The following SPOCK3 variants were observed in gnomAD, a reference collection of about 807,000 sequenced individuals.
SPOCK3 encodes SPARC (osteonectin), cwcv and kazal like domains proteoglycan 3, also known as testican-3.
A neutral mutation model predicts 56.6 loss-of-function variants in SPOCK3; 30 were observed. That is an observed-to-expected ratio of 0.53 (90% CI 0.40 to 0.72). The LOEUF is 0.72. SPOCK3 is among the 30% of genes least tolerant of loss of function. The pLI is 0.00. For missense variants in SPOCK3, 527 were observed against 530.0 expected (o/e 0.99, Z 0.06); for synonymous variants, 196 against 183.3 (o/e 1.07, Z -0.56).
intron 6 of SPOCK3, among the ~76,000 whole-genome samples, chr4:166,839,847 C>T (rs908667937): frequency 2.2e-4 from 33 of 152,164 alleles, no homozygotes; most frequent in African/African-American, 7.7e-4. Context: ...AGACACAGCC[C>T]AAACCACAAC....
At chr4:166,851,058 A>C (rs1729990672) in intron 6 of SPOCK3, among the ~76,000 whole-genome samples, 1 of 152,230 alleles carries the variant, frequency 6.6e-6, no homozygotes, top group African/African-American at 2.4e-5. Context: ...CTGCAGACTT[A>C]AATGTCCCTG....
intron 6 of SPOCK3, among the ~76,000 whole-genome samples, chr4:166,834,443 G>A (rs892265375): frequency 3.9e-5 from 6 of 152,122 alleles, no homozygotes; most frequent in African/African-American, 1.4e-4. Context: ...GCTCTCTGAT[G>A]AGCTCAAGAA....
intron 2 of SPOCK3, among the ~76,000 whole-genome samples, chr4:167,154,216 G>A (rs815219): frequency 0.17 from 26,260 of 151,728 alleles, 2,398 homozygotes; most frequent in East Asian, 0.21. Context: ...ACACATGCAC[G>A]CGTGCACACA....
chr4:166,961,601 C>T (rs1341887519), intron 4 of SPOCK3, among the ~76,000 whole-genome samples: 3 of 151,678 alleles, frequency 2.0e-5, no homozygotes, highest in African/African-American at 7.3e-5. Context: ...AAGCTTCTGG[C>T]TCAAGTTTAT....
intron 4 of SPOCK3, among the ~76,000 whole-genome samples, chr4:166,918,695 A>G (rs748179166): frequency 1.3e-5 from 2 of 152,178 alleles, no homozygotes; most frequent in African/African-American, 2.4e-5. Flanking sequence ...AATGAAAAAT[A>G]CCTTTAAAAA....
At chr4:166,940,999 C>A (rs1740999119) in intron 4 of SPOCK3, among the ~76,000 whole-genome samples, 1 of 151,522 alleles carries the variant, frequency 6.6e-6, no homozygotes, top group Non-Finnish European at 1.5e-5. Flanking sequence ...TATTATTTTT[C>A]TTTTGCAGTA....
chr4:167,175,794 T>C (rs1163838912), intron 2 of SPOCK3, among the ~76,000 whole-genome samples: 1 of 152,078 alleles, frequency 6.6e-6, no homozygotes, highest in Non-Finnish European at 1.5e-5. Context: ...AGAAAATAGA[T>C]TTATGCTATT....
At chr4:166,916,079 T>C (rs1398641072) in intron 4 of SPOCK3, among the ~76,000 whole-genome samples, 3 of 152,152 alleles carry the variant, frequency 2.0e-5, no homozygotes, top group Non-Finnish European at 2.9e-5. Flanking sequence ...CTGCATCCTA[T>C]ACAGGGTCAC....
rs554474888 is a variant in SPOCK3 at position 167,121,893 on chromosome 4, G to A, written c.190-59356C>T. ...TATATTTAATAAAACTATTATAAGT[G>A]TCATACATAAAAATCATGAATAAAA... On this transcript the variant is annotated intron_variant, in intron 2 of 10. Transcript: ENST00000357545. 9.4e-5 allele frequency among the ~76,000 whole-genome samples: 14 copies of A among 148,404 alleles called. 1 individual carries two copies. The South Asian group carries it at 2.7e-3, about 29-fold the overall frequency.
chr4:167,124,804 A>G (rs760715537), intron 2 of SPOCK3, among the ~76,000 whole-genome samples: 5 of 152,138 alleles, frequency 3.3e-5, no homozygotes, highest in Non-Finnish European at 7.3e-5. Context: ...CTCTAAATAT[A>G]CGGTCCCTTT....
intron 2 of SPOCK3, among the ~76,000 whole-genome samples, chr4:167,071,216 T>G (rs990676549): frequency 6.6e-6 from 1 of 151,892 alleles, no homozygotes; most frequent in African/African-American, 2.4e-5. Context: ...AGAAATACTT[T>G]GCCTCAATAA....
chr4:167,193,744 T>C (rs1732678330), intron 2 of SPOCK3, among the ~76,000 whole-genome samples: 1 of 146,018 alleles, frequency 6.8e-6, no homozygotes, highest in Non-Finnish European at 1.5e-5. Context: ...AAAGATAATC[T>C]TATGAGAGTT....
intron 2 of SPOCK3, among the ~76,000 whole-genome samples, chr4:167,089,760 A>T (rs1205091908): frequency 6.6e-6 from 1 of 152,128 alleles, no homozygotes; most frequent in East Asian, 1.9e-4. Flanking sequence ...CAGTTCCATC[A>T]CCTGAGAAAG....
chr4:167,126,065 A>G (rs1762252067), intron 2 of SPOCK3, among the ~76,000 whole-genome samples: 2 of 152,204 alleles, frequency 1.3e-5, no homozygotes, highest in South Asian at 4.1e-4. Flanking sequence ...TTGAAAATAT[A>G]TACTTATTCT....
intron 2 of SPOCK3, among the ~76,000 whole-genome samples, chr4:167,066,843 A>G (rs1274325276): frequency 6.6e-6 from 1 of 151,934 alleles, no homozygotes; most frequent in African/African-American, 2.4e-5. Context: ...TAAACACCAC[A>G]CCCAGTATGG....
intron 6 of SPOCK3, among the ~76,000 whole-genome samples, chr4:166,823,724 G>A (rs959026265): frequency 6.6e-6 from 1 of 151,924 alleles, no homozygotes; most frequent in African/African-American, 2.4e-5. Context: ...CAACTCAATG[G>A]TGTTATGAGA....
At chr4:166,953,341 C>A (rs1742940848) in intron 4 of SPOCK3, among the ~76,000 whole-genome samples, 1 of 152,204 alleles carries the variant, frequency 6.6e-6, no homozygotes, top group Non-Finnish European at 1.5e-5. Context: ...AAAATGCTCA[C>A]CATCACTGGC....
intron 4 of SPOCK3, among the ~76,000 whole-genome samples, chr4:166,939,455 A>G (rs1171945673): frequency 1.3e-5 from 2 of 152,174 alleles, no homozygotes; most frequent in African/African-American, 2.4e-5. Context: ...TGAAGATAAC[A>G]GTAGGGTGGG....
chr4:166,873,346 C>G (rs945925486), intron 6 of SPOCK3, among the ~76,000 whole-genome samples: 7 of 152,008 alleles, frequency 4.6e-5, no homozygotes, highest in African/African-American at 1.7e-4. Flanking sequence ...TAAATTTCTC[C>G]AAGCCCATAA....
Sources: gnomAD v4.1 joint callset for allele counts (sites outside exome capture counted in the v4.1 genomes callset) on GRCh38, gnomAD v4.1.1 for gene constraint, MANE v1.5 for transcripts, NCBI Gene and HGNC (gene_info 2026-07-23, HGNC 2026-07-21) for gene names.